The following SMPX variants were observed in gnomAD, a reference collection of about 807,000 sequenced individuals.
SMPX encodes small muscle protein X-linked.
SMPX carries 2 observed loss-of-function variants against 6.3 expected under a neutral mutation model. The ratio of observed to expected loss-of-function variants is 0.32; its 90% confidence interval spans 0.13 to 0.99. The LOEUF (loss-of-function observed/expected upper bound fraction) is 0.99. Ranked by LOEUF, SMPX falls within the 50% of genes least tolerant of loss-of-function variation. The pLI is 0.49. For missense variants in SMPX, 60 were observed against 66.8 expected, an observed-to-expected ratio of 0.90 and a Z score of 0.36; for synonymous variants, 32 against 24.7, an observed-to-expected ratio of 1.30 and a Z score of -0.88.
At chrX:21,729,248 G>A (rs1246168968) in intron 4 of SMPX, among the ~76,000 whole-genome samples, 4 of 112,630 alleles carry the variant, frequency 3.6e-5, no homozygotes, top group African/African-American at 3.2e-5. Flanking sequence ...TTTCTGTGAC[G>A]TGCAATGCAT....
intron 4 of SMPX, among the ~76,000 whole-genome samples, chrX:21,719,412 G>T (rs191857306): frequency 9.1e-6 from 1 of 110,252 alleles, no homozygotes; most frequent in Non-Finnish European, 1.9e-5. Flanking sequence ...CAGCTCCTCC[G>T]GAGGCTGAGG....
chrX:21,756,859 A>G (rs1365948787), intron 1 of SMPX, among the ~76,000 whole-genome samples: 1 of 112,635 alleles, frequency 8.9e-6, no homozygotes, highest in Non-Finnish European at 1.9e-5. Context: ...GGAAAGTTTG[A>G]CAAGGCATAT....
chrX:21,749,133 G>C (rs1329627674), intron 2 of SMPX, among the ~76,000 whole-genome samples: 1 of 112,118 alleles, frequency 8.9e-6, no homozygotes, highest in Non-Finnish European at 1.9e-5. Flanking sequence ...CACATAGATT[G>C]GGTAGCAATG....
rs142924924 is a variant in SMPX, at chrX:21,726,796, A to T, written c.*14+10753T>A. 3.5e-3 allele frequency among the ~76,000 whole-genome samples: 392 copies of T among 112,649 alleles called. 3 individuals are homozygous for T. In the South Asian group the frequency reaches 0.037, roughly 11 times the overall value. On this transcript the variant is annotated intron_variant, in intron 4 of 4. Coordinates refer to ENST00000379494, the MANE Select transcript of SMPX (RefSeq NM_014332.3). ...GTTAGGTATTTTTCTCATTTTTCAG[A>T]TGAAGAAACTGAGGCAGAGCAATTA...
intron 4 of SMPX, among the ~76,000 whole-genome samples, chrX:21,734,318 G>A (rs762994332): frequency 8.9e-6 from 1 of 111,812 alleles, no homozygotes; most frequent in Admixed American, 9.5e-5. Context: ...GAGCGGTTCT[G>A]CAGGTTCCCC....
chrX:21,722,941 GC>G (rs1436026491), intron 4 of SMPX, among the ~76,000 whole-genome samples: 2 of 112,027 alleles, frequency 1.8e-5, no homozygotes, highest in Non-Finnish European at 3.8e-5. Context: ...ACTATTACAA[GC>G]ATTTGTGATT....
chrX:21,735,895 T>A (rs1299866945), intron 4 of SMPX, among the ~76,000 whole-genome samples: 1 of 111,376 alleles, frequency 9.0e-6, no homozygotes, highest in Non-Finnish European at 1.9e-5. Context: ...GGACTGAGTG[T>A]GATACTCAGT....
rs1374967265 is a variant in SMPX, at chrX:21,737,688, G to C, written c.142C>G (p.Pro48Ala). The stretch of plus-strand genomic sequence containing the variant: ...GGCTTCTTCTCCTCATCCGAGGTGG[G>C]AGGAACACCCTGAAGAGCAAGGAGA... ...CTPEVEEGVP[P>A]TSDEEKKPIP... is the part of the protein sequence containing the mutation. Residue 48 changes from proline to alanine, a missense_variant, in exon 4 of 5, where the codon CCC (proline) becomes GCC (alanine). Pro to Ala is a conservative substitution (Grantham distance 27, BLOSUM62 -1). Coordinates refer to ENST00000379494, the MANE Select transcript of SMPX (RefSeq NM_014332.3). 8.3e-7 allele frequency: 1 copy of C among 1,208,671 alleles called. No homozygotes were observed. Among genetic ancestry groups the C allele is most frequent in the East Asian group, 3.0e-5 (1 of 33,763 alleles).
chrX:21,721,019 G>A (rs2092791141), intron 4 of SMPX, among the ~76,000 whole-genome samples: 2 of 112,058 alleles, frequency 1.8e-5, no homozygotes, highest in East Asian at 2.8e-4. Flanking sequence ...GTTTTTAGAG[G>A]GAGATGAATT....
At chrX:21,712,496 A>C (rs59539985) in intron 4 of SMPX, among the ~76,000 whole-genome samples, 5,585 of 111,092 alleles carry the variant, frequency 0.05, 343 homozygotes, top group East Asian at 0.24. Context: ...GTTATATTGG[A>C]TATCAACTCA....
intron 4 of SMPX, among the ~76,000 whole-genome samples, chrX:21,721,572 C>T (rs1035912222): frequency 8.0e-5 from 9 of 112,459 alleles, no homozygotes; most frequent in African/African-American, 2.6e-4. Context: ...CCAAGACACA[C>T]ATCAGGATCA....
intron 2 of SMPX, among the ~76,000 whole-genome samples, chrX:21,752,050 C>A (rs2092827948): frequency 8.9e-6 from 1 of 112,168 alleles, no homozygotes; most frequent in South Asian, 3.7e-4. Flanking sequence ...TAAAATAGAT[C>A]GAAAGAGGCA....
At chrX:21,706,659 G>C (rs1008282036) in intron 4 of SMPX, among the ~76,000 whole-genome samples, 1 of 111,025 alleles carries the variant, frequency 9.0e-6, no homozygotes, top group Non-Finnish European at 1.9e-5. Flanking sequence ...CAATAGATCC[G>C]ATATGGTTTG....
chrX:21,707,013 CGGACTAATACGA>C (rs2092773681), intron 4 of SMPX, among the ~76,000 whole-genome samples: 1 of 108,456 alleles, frequency 9.2e-6, no homozygotes, highest in South Asian at 4.1e-4. Context: ...AGCACGAGAA[CGGACTAATACGA>C]GATCTCCAGA....
chrX:21,741,941 A>G (rs1435823824), intron 3 of SMPX, among the ~76,000 whole-genome samples: 1 of 112,441 alleles, frequency 8.9e-6, no homozygotes, highest in Non-Finnish European at 1.9e-5. Context: ...TGTCTATTTT[A>G]GAATGCACTG....
chrX:21,733,603 G>T (rs1306099025), intron 4 of SMPX: 8 of 274,897 alleles, frequency 2.9e-5, no homozygotes, highest in Non-Finnish European at 5.4e-5. Flanking sequence ...GCTTTCAATT[G>T]CGACTTTCTC....
chrX:21,721,480 G>T (rs955048395), intron 4 of SMPX, among the ~76,000 whole-genome samples: 2 of 112,272 alleles, frequency 1.8e-5, no homozygotes, highest in Non-Finnish European at 3.8e-5. Flanking sequence ...TTCAACCAAA[G>T]AAATACTTTC....
At chrX:21,724,910 G>T (rs866030699) in intron 4 of SMPX, among the ~76,000 whole-genome samples, 2 of 111,933 alleles carry the variant, frequency 1.8e-5, no homozygotes, top group Non-Finnish European at 3.8e-5. Flanking sequence ...TTAAAATCAA[G>T]AGCAAGGGTT....
chrX:21,750,644 C>A (rs1420898899), intron 2 of SMPX, among the ~76,000 whole-genome samples: 1 of 112,169 alleles, frequency 8.9e-6, no homozygotes, highest in Non-Finnish European at 1.9e-5. Flanking sequence ...TTTTTATGCC[C>A]CTGGCAGAGA....
Sources: gnomAD v4.1 joint callset for allele counts (sites outside exome capture counted in the v4.1 genomes callset) on GRCh38, gnomAD v4.1.1 for gene constraint, MANE v1.5 for transcripts, NCBI Gene and HGNC (gene_info 2026-07-23, HGNC 2026-07-21) for gene names.